Variants in PAPSS2 observed in about 807,000 individuals in gnomAD.
PAPSS2 encodes bifunctional 3'-phosphoadenosine 5'-phosphosulfate synthase 2.
PAPSS2 carries 61 observed loss-of-function variants against 66.5 expected under a neutral mutation model. The ratio of observed to expected loss-of-function variants is 0.92; its 90% CI spans 0.75 to 1.14. The LOEUF (loss-of-function observed/expected upper bound fraction) is 1.14. Ranked by LOEUF, PAPSS2 falls within the 50% of genes most tolerant of loss-of-function variation. The probability of loss-of-function intolerance (pLI) is 0.00; values close to 1 mark genes in which losing one functional copy is unlikely to be tolerated. For synonymous variants in PAPSS2, 289 were observed against 287.5 expected, an observed-to-expected ratio of 1.01 and a Z score of -0.05; for missense variants, 708 against 789.6, an observed-to-expected ratio of 0.90 and a Z score of 1.24.
At chr10:87,727,623 T>C in intron 9 of PAPSS2, 134 bp downstream of exon 9, 1 of 796,870 alleles carries the variant, frequency 1.3e-6, no homozygotes, top group South Asian at 1.5e-5. Flanking sequence ...AAGGTAGTGT[T>C]TGCAGGCTTT....
At chr10:87,735,219 T>C (rs1183137107) in intron 9 of PAPSS2, among the ~76,000 whole-genome samples, 2 of 152,092 alleles carry the variant, frequency 1.3e-5, no homozygotes, top group South Asian at 2.1e-4. Flanking sequence ...AGCCTCTGGA[T>C]CTCCCTTCCT....
intron 1 of PAPSS2, among the ~76,000 whole-genome samples, chr10:87,704,725 T>C (rs1420706213): frequency 1.3e-5 from 2 of 152,198 alleles, no homozygotes; most frequent in Non-Finnish European, 2.9e-5. Flanking sequence ...CACTGCAACC[T>C]CCGCTTCCTG....
At chr10:87,665,040 C>G (rs1381685081) in intron 1 of PAPSS2, among the ~76,000 whole-genome samples, 1 of 152,136 alleles carries the variant, frequency 6.6e-6, no homozygotes, top group Non-Finnish European at 1.5e-5. Context: ...CCCCTCTTCT[C>G]TTTGTGTGCT....
intron 1 of PAPSS2, among the ~76,000 whole-genome samples, chr10:87,701,152 T>G (rs1027218082): frequency 6.6e-6 from 1 of 151,430 alleles, no homozygotes; most frequent in Non-Finnish European, 1.5e-5. Context: ...TATATATTAT[T>G]ATATAATTAG....
intron 9 of PAPSS2, among the ~76,000 whole-genome samples, chr10:87,728,354 A>G (rs1322780235): frequency 1.3e-5 from 2 of 152,206 alleles, no homozygotes; most frequent in East Asian, 3.8e-4. Context: ...TGTTCACAGG[A>G]AGAGAGAGCA....
Position 87,713,317 on chromosome 10 carries a change from A to T in PAPSS2, c.381+7A>T. 8.1e-7 allele frequency: 1 copy of T among 1,238,332 alleles called. No individual in the cohort carries two copies. The highest frequency in any genetic ancestry group is 1.1e-6 in the Non-Finnish European group (1 of 889,934). The allele number at this position is 1,238,332 out of a possible 1,614,324, so 76.7% of individuals were successfully genotyped here. A position where few individuals can be genotyped will look rare whatever the true frequency, so the allele number is the denominator to read the frequency against. ...TATTTCTCCATTCGCAAAGGTAAAA[A>T]AAAAAAAAAAAAAAAAAGGCACTAC... On this transcript the variant is annotated splice_region_variant and intron_variant, in intron 3 of 12. Transcript: ENST00000456849.
At chr10:87,712,566 C>T (rs796744385) in intron 2 of PAPSS2, among the ~76,000 whole-genome samples, 5 of 152,260 alleles carry the variant, frequency 3.3e-5, no homozygotes, top group South Asian at 4.2e-4. Flanking sequence ...AGGGGTCTTC[C>T]TACCTCAGCC....
At chr10:87,743,331 A>G (rs780801577) in intron 10 of PAPSS2, 42 bp from the exon 11 acceptor site, 59 of 1,600,880 alleles carry the variant, frequency 3.7e-5, no homozygotes, top group East Asian at 2.5e-4. Context: ...AAATGACACC[A>G]TGTGTTTCTG....
intron 1 of PAPSS2, among the ~76,000 whole-genome samples, chr10:87,688,041 G>T (rs534703932): frequency 2.0e-5 from 3 of 152,048 alleles, no homozygotes; most frequent in Admixed American, 1.3e-4. Context: ...TTCTGTCAGG[G>T]TTGAATTTGA....
intron 7 of PAPSS2, among the ~76,000 whole-genome samples, chr10:87,719,339 A>G (rs933198531): frequency 2.6e-5 from 4 of 152,204 alleles, no homozygotes; most frequent in Non-Finnish European, 5.9e-5. Context: ...CTTCATCTGT[A>G]TAATGGGGAT....
At chr10:87,728,591 T>C (rs1853688181) in intron 9 of PAPSS2, among the ~76,000 whole-genome samples, 1 of 152,122 alleles carries the variant, frequency 6.6e-6, no homozygotes, top group Non-Finnish European at 1.5e-5. Flanking sequence ...AATACAGATA[T>C]TAGCTGGACA....
rs369608774 is a variant in PAPSS2 at position 87,746,115 on chromosome 10, A to AT, written c.*145_*146insT. On this transcript the variant is annotated 3_prime_UTR_variant, in exon 13 of 13. Coordinates refer to ENST00000456849, the MANE Select transcript of PAPSS2 (RefSeq NM_001015880.2). ...AAAAGTTGTGTCTATAATTAAAAAA[A>AT]AATATATATATATACACACACACAT... The AT allele has an allele frequency of 8.8e-4, 545 of 622,318 alleles. 2 individuals are homozygous for AT. Among genetic ancestry groups the AT allele is most frequent in the Middle Eastern group, 5.5e-3 (12 of 2,180 alleles). 38.5% of individuals were successfully genotyped at this position (622,318 alleles called of 1,614,324 possible).
intron 1 of PAPSS2, among the ~76,000 whole-genome samples, chr10:87,674,469 A>G (rs1422308055): frequency 6.7e-6 from 1 of 148,898 alleles, no homozygotes; most frequent in African/African-American, 2.4e-5. Context: ...CCCAGCAGTA[A>G]TTTTTTTTTT....
chr10:87,711,651 A>G (rs1296274476), intron 2 of PAPSS2, among the ~76,000 whole-genome samples: 2 of 152,320 alleles, frequency 1.3e-5, no homozygotes, highest in East Asian at 3.9e-4. Flanking sequence ...TCATACAGCC[A>G]TTTCTTCTAA....
At chr10:87,728,130 C>T (rs1054597679) in intron 9 of PAPSS2, among the ~76,000 whole-genome samples, 3 of 152,108 alleles carry the variant, frequency 2.0e-5, no homozygotes. Flanking sequence ...ACTAACTCCT[C>T]AGATTCCTTC....
In PAPSS2 at chr10:87,662,317, T is replaced by C. The variant is rs1852762338; in HGVS notation, c.27+2309T>C. ...TTTGGCCACACTCTCTGGATGAATATTGCCTTTCAGTTCAGACCACTCTAG... is the reference window on the plus strand; with the variant it reads ...TTTGGCCACACTCTCTGGATGAATACTGCCTTTCAGTTCAGACCACTCTAG... On this transcript the variant is annotated intron_variant, in intron 1 of 12. Coordinates refer to ENST00000456849, the MANE Select transcript of PAPSS2 (RefSeq NM_001015880.2). Among the ~76,000 whole-genome samples, 3 of 152,198 alleles carry C rather than the reference T, an allele frequency of 2.0e-5. No homozygotes were observed. The South Asian group carries it at 6.2e-4, about 31-fold the overall frequency.
intron 1 of PAPSS2, among the ~76,000 whole-genome samples, chr10:87,703,309 G>T (rs1853342176): frequency 7.9e-6 from 1 of 126,588 alleles, no homozygotes; most frequent in Non-Finnish European, 1.6e-5. Flanking sequence ...GTGTGTGTGT[G>T]TGTGTGTAAA....
At chr10:87,694,133 A>G (rs1853204639) in intron 1 of PAPSS2, among the ~76,000 whole-genome samples, 1 of 152,242 alleles carries the variant, frequency 6.6e-6, no homozygotes, top group Non-Finnish European at 1.5e-5. Context: ...AGCAGGAACT[A>G]TAATCCCACA....
At chr10:87,743,758 G>A (rs1853902876) in intron 11 of PAPSS2, 117 bp downstream of exon 11, 4 of 1,199,552 alleles carry the variant, frequency 3.3e-6, no homozygotes, top group South Asian at 1.3e-5. Flanking sequence ...ATTCTGGAAT[G>A]TTCTGGTGTC....
Sources: allele counts gnomAD v4.1 joint callset (sites outside exome capture counted in the v4.1 genomes callset), GRCh38; gene constraint gnomAD v4.1.1; transcripts MANE v1.5; gene names NCBI Gene and HGNC (gene_info 2026-07-23, HGNC 2026-07-21).